MBD3: variants seen among roughly 807,000 people sequenced by gnomAD.
MBD3 encodes the protein methyl-CpG binding domain protein 3, also known as methyl-CpG-binding domain protein 3.
A neutral mutation model predicts 31.2 loss-of-function variants in MBD3; 13 were observed. The ratio of observed to expected loss-of-function variants is 0.42; its 90% CI spans 0.27 to 0.66. The LOEUF is 0.66. Ranked by LOEUF, MBD3 falls within the 30% of genes least tolerant of loss-of-function variation. The probability of loss-of-function intolerance (pLI) is 0.26; values close to 1 mark genes in which losing one functional copy is unlikely to be tolerated. For synonymous variants in MBD3, 223 were observed against 187.4 expected, an observed-to-expected ratio of 1.19 and a Z score of -1.55; for missense variants, 440 against 426.5, an observed-to-expected ratio of 1.03 and a Z score of -0.28.
In MBD3 at chr19:1,585,452, C is replaced by T. The variant is rs1374117742; in HGVS notation, c.111-238G>A. 1 of 537,088 alleles carries T rather than the reference C, an allele frequency of 1.9e-6. No homozygotes were observed. The highest frequency in any genetic ancestry group is 3.4e-6 in the Non-Finnish European group (1 of 296,856). The allele number at this position is 537,088 out of a possible 1,614,324, so 33.3% of individuals were successfully genotyped here. On this transcript the variant is annotated intron_variant, in intron 1 of 6. Transcript: ENST00000434436. This position sits in a 1 kb window ranked among gnomAD's most constrained non-coding sequence, Gnocchi z 4.1. ...AGCACCCCACAACTGGCCCCTAGATCTGGGCGCCAGCCAGACCCAGAGCAC... is the reference window on the plus strand; with the variant it reads ...AGCACCCCACAACTGGCCCCTAGATTTGGGCGCCAGCCAGACCCAGAGCAC...
intron 1 of MBD3, among the ~76,000 whole-genome samples, chr19:1,587,182 G>T (rs915316935): frequency 4.0e-5 from 6 of 150,926 alleles, no homozygotes; most frequent in Admixed American, 6.6e-5. Flanking sequence ...AGCCAGGATG[G>T]TCGCGACCTC....
Position 1,578,638 on chromosome 19 carries a change from G to A in MBD3, c.678-100C>T, listed in dbSNP as rs905108903. The A allele has an allele frequency of 6.3e-7, 1 of 1,596,374 alleles. No individual in the cohort carries two copies. The highest frequency in any genetic ancestry group is 1.3e-5 in the African/African-American group (1 of 74,828). ...CCTCAGCTGGGAGGGGAGGCCCGAGGGATCCACAGGCACCCCCCCAGGACC... is the reference window on the plus strand; with the variant it reads ...CCTCAGCTGGGAGGGGAGGCCCGAGAGATCCACAGGCACCCCCCCAGGACC... On this transcript the variant is annotated intron_variant, in intron 5 of 6. Transcript: ENST00000434436. This position sits in a 1 kb window ranked among gnomAD's most constrained non-coding sequence, Gnocchi z 6.1.
rs1197785002 is a variant in MBD3 at position 1,576,062 on chromosome 19, G to A, written c.*2102C>T. The stretch of plus-strand genomic sequence containing the variant: ...AGAGCAAGAAACAAAGAGGGACAGA[G>A]AGGGAGACGGCGCAAGAGAGAGACA... On this transcript the variant is annotated 3_prime_UTR_variant, in exon 7 of 7. Coordinates refer to ENST00000434436, the MANE Select transcript of MBD3 (RefSeq NM_001281453.2). The A allele has an allele frequency of 6.6e-6, 1 of 152,538 alleles. No homozygotes were observed. Among genetic ancestry groups the A allele is most frequent in the Non-Finnish European group, 1.5e-5 (1 of 68,330 alleles). The allele number at this position is 152,538 out of a possible 1,614,324, so 9.4% of individuals were successfully genotyped here.
rs1372339259 is a variant in MBD3 at position 1,574,977 on chromosome 19, G to C, written c.*3187C>G. ...CCCTTAGCTGGTGTTGCTGAGACTC[G>C]GGAGCCCTGTGGTCCGTGTGGCTGG... is the stretch of plus-strand genomic sequence containing the variant. On this transcript the variant is annotated 3_prime_UTR_variant, in exon 7 of 7. Coordinates refer to ENST00000434436, the MANE Select transcript of MBD3 (RefSeq NM_001281453.2). 8.9e-6 allele frequency: 3 copies of C among 337,540 alleles called. No homozygotes were observed. Among genetic ancestry groups the C allele is most frequent in the African/African-American group, 2.2e-5 (1 of 45,400 alleles). The allele number at this position is 337,540 out of a possible 1,614,324, so 20.9% of individuals were successfully genotyped here. A position where few individuals can be genotyped will look rare whatever the true frequency, so the allele number is the denominator to read the frequency against.
chr19:1,578,513 C>T lies in MBD3; in HGVS notation c.703G>A (p.Val235Met). 1 of 1,612,468 alleles carries T rather than the reference C, an allele frequency of 6.2e-7. No homozygotes were observed. The highest frequency in any genetic ancestry group is 8.5e-7 in the Non-Finnish European group (1 of 1,179,916). The change falls in exon 6 of 7, where the codon GTG (valine) becomes ATG (methionine). Residue 235 changes from valine to methionine, a missense_variant. By Grantham distance (21) the Val-to-Met change is conservative. Around this residue, in one of 3 missense-constraint regions of MBD3, gnomAD observed 117 missense variants for 95.0 expected, o/e 1.23. Coordinates refer to ENST00000434436, the MANE Select transcript of MBD3 (RefSeq NM_001281453.2). This position sits in a 1 kb window ranked among gnomAD's most constrained non-coding sequence, Gnocchi z 6.1. ...AGCGCCTCCTCCAGCCGCTTCCGCA[C>T]CTGCTGCACCAGCTCTTCCTGCTTC... is the stretch of plus-strand genomic sequence containing the variant. ...IRKQEELVQQ[V>M]RKRLEEALMA...
At position 1,578,445 on chromosome 19, in the gene MBD3, G is replaced by T. The variant is rs755053188; in HGVS notation, c.771C>A (p.Asp257Glu). The T allele has an allele frequency of 6.2e-7, 1 of 1,607,204 alleles. No individual in the cohort carries two copies. Among genetic ancestry groups the T allele is most frequent in the Non-Finnish European group, 8.5e-7 (1 of 1,179,826 alleles). ...MLAHVEELAR[D>E]GEAPLDKACA... ...AGGCCTTGTCCAGCGGCGCCTCCCC[G>T]TCACGGGCCAGCTCCTCCACGTGCG... is the stretch of plus-strand genomic sequence containing the variant. The change falls in exon 6 of 7, where the codon GAC (aspartate) becomes GAA (glutamate). Residue 257 changes from aspartate (D) to glutamate (E), a missense_variant. Physicochemically the swap from Asp to Glu is conservative, Grantham distance 45. This residue lies in a region of MBD3 where 117 missense variants were observed against 95.0 expected (regional missense o/e 1.23). Coordinates refer to ENST00000434436, the MANE Select transcript of MBD3 (RefSeq NM_001281453.2). The surrounding 1 kb of genome is among the most constrained non-coding windows in gnomAD (Gnocchi z 6.1).
Position 1,585,573 on chromosome 19 carries a change from C to T in MBD3, c.111-359G>A, listed in dbSNP as rs2060675523. ...CCGGTCCCCTCTGAATCCTCCCCAC[C>T]GTAGGCCCTGGCAGCGTCAGGCACA... On this transcript the variant is annotated intron_variant, in intron 1 of 6. Transcript: ENST00000434436. This position sits in a 1 kb window ranked among gnomAD's most constrained non-coding sequence, Gnocchi z 4.1. The T allele has an allele frequency of 9.7e-6, 3 of 308,350 alleles. No homozygotes were observed. Among genetic ancestry groups the T allele is most frequent in the Non-Finnish European group, 1.9e-5 (3 of 160,816 alleles). 19.1% of individuals were successfully genotyped at this position (308,350 alleles called of 1,614,324 possible). A position where few individuals can be genotyped will look rare whatever the true frequency, so the allele number is the denominator to read the frequency against.
Position 1,581,154 on chromosome 19 carries a change from G to A in MBD3, c.615C>T (p.Gly205=), listed in dbSNP as rs747622082. The A allele has an allele frequency of 1.5e-5, 24 of 1,614,034 alleles. No homozygotes were observed. The highest frequency in any genetic ancestry group is 3.3e-5 in the South Asian group (3 of 91,086). The change falls in exon 5 of 7, where the codon GGC becomes GGT. Residue 205 remains glycine, a synonymous_variant. Coordinates refer to ENST00000434436, the MANE Select transcript of MBD3 (RefSeq NM_001281453.2). ...QLSAAVEKNP[G]VWLNTTQPLC... ...GGGGCTGCGTGGTGTTGAGCCATAC[G>A]CCGGGGTTCTTCTCCACGGCGGCCG...
rs947797898 is a variant in MBD3, at chr19:1,592,763, C to T, written c.-132G>A. On this transcript the variant is annotated 5_prime_UTR_variant, in exon 1 of 7. Coordinates refer to ENST00000434436, the MANE Select transcript of MBD3 (RefSeq NM_001281453.2). The stretch of plus-strand genomic sequence containing the variant: ...GCCGCGGCTGTTCCGGCCCGCGGGC[C>T]CCCGCCCTCCGCCCCCAGCCGGGCG... 3.5e-5 allele frequency: 6 copies of T among 169,282 alleles called. No individual in the cohort carries two copies. The highest frequency in any genetic ancestry group is 1.2e-4 in the African/African-American group (5 of 41,222). 10.5% of individuals were successfully genotyped at this position (169,282 alleles called of 1,614,324 possible). A position where few individuals can be genotyped will look rare whatever the true frequency, so the allele number is the denominator to read the frequency against.
chr19:1,589,443 A>C (rs1368087892), intron 1 of MBD3, among the ~76,000 whole-genome samples: 1 of 151,730 alleles, frequency 6.6e-6, no homozygotes, highest in Non-Finnish European at 1.5e-5. Flanking sequence ...ACCTGAGGTC[A>C]GGAGTTCAAG....
chr19:1,592,671 C>T lies in MBD3; in HGVS notation c.-40G>A, dbSNP rs1233916840. On this transcript the variant is annotated 5_prime_UTR_variant, in exon 1 of 7. Transcript: ENST00000434436. ...CGGCCCGCCGCCGGGCCCGCCGCCG[C>T]CGCCCGGACCCCCACTCGCCGCCGC... is the stretch of plus-strand genomic sequence containing the variant. 8 of 870,652 alleles carry T rather than the reference C, an allele frequency of 9.2e-6. No individual in the cohort carries two copies. The African/African-American group carries it at 1.3e-4, about 14-fold the overall frequency. 53.9% of individuals were successfully genotyped at this position (870,652 alleles called of 1,614,324 possible). A position where few individuals can be genotyped will look rare whatever the true frequency, so the allele number is the denominator to read the frequency against.
chr19:1,575,083 G>A lies in MBD3; in HGVS notation c.*3081C>T. ...GTACCCTCTGTGGCGGCAGCGGTGG[G>A]GAGCTTGGTCTGAGGGGAGGCGGGG... On this transcript the variant is annotated 3_prime_UTR_variant, in exon 7 of 7. Transcript: ENST00000434436. 1 of 379,120 alleles carries A rather than the reference G, an allele frequency of 2.6e-6. No homozygotes were observed. Among genetic ancestry groups the A allele is most frequent in the South Asian group, 1.9e-5 (1 of 53,382 alleles). 23.5% of individuals were successfully genotyped at this position (379,120 alleles called of 1,614,324 possible).
In MBD3 at chr19:1,592,579, T is replaced by A; in HGVS notation, c.53A>T (p.Glu18Val). Residue 18 changes from glutamate to valine, a missense_variant, in exon 1 of 7, where the codon GAA becomes GTA. Transcript: ENST00000434436. ...CPALPQGWER[E>V]EVPRRSGLSA... ...CAGCCCCGACCTTCTGGGCACTTCTTCCCTCTCCCAGCCCTGCGGGAGCGC... is the reference window on the plus strand; with the variant it reads ...CAGCCCCGACCTTCTGGGCACTTCTACCCTCTCCCAGCCCTGCGGGAGCGC... The A allele has an allele frequency of 6.9e-7, 1 of 1,440,098 alleles. No individual in the cohort carries two copies. The highest frequency in any genetic ancestry group is 9.3e-7 in the Non-Finnish European group (1 of 1,074,554). The allele number at this position is 1,440,098 out of a possible 1,614,324, so 89.2% of individuals were successfully genotyped here.
In MBD3 at chr19:1,577,028, C is replaced by G. The variant is rs1659307096; in HGVS notation, c.*1136G>C. 6.6e-6 allele frequency: 1 copy of G among 152,116 alleles called. No individual in the cohort carries two copies. Among genetic ancestry groups the G allele is most frequent in the Admixed American group, 6.5e-5 (1 of 15,278 alleles). The allele number at this position is 152,116 out of a possible 1,614,324, so 9.4% of individuals were successfully genotyped here. On this transcript the variant is annotated 3_prime_UTR_variant, in exon 7 of 7. Transcript: ENST00000434436. ...CAGCCACAGGGGCGACTCTGCCCAT[C>G]AGTCCCCCTGGGGCAGCGACCAGAT...
intron 3 of MBD3, among the ~76,000 whole-genome samples, chr19:1,584,176 G>C (rs2060666525): frequency 6.6e-6 from 1 of 151,924 alleles, no homozygotes; most frequent in Non-Finnish European, 1.5e-5. Context: ...TTGGTATCTG[G>C]GGGTTGAGGG....
Position 1,592,807 on chromosome 19 carries a change from C to A in MBD3, c.-176G>T. The stretch of plus-strand genomic sequence containing the variant: ...CCGGGCGCGCGCCGGCTTTGCCGCC[C>A]TTTCGGCCCCCTCCCCGCGCTCGCC... On this transcript the variant is annotated 5_prime_UTR_variant, in exon 1 of 7. In the 5' UTR this introduces an upstream ATG that the reference lacks. Coordinates refer to ENST00000434436, the MANE Select transcript of MBD3 (RefSeq NM_001281453.2). The A allele has an allele frequency of 6.8e-6, 1 of 147,970 alleles. No homozygotes were observed. The highest frequency in any genetic ancestry group is 1.8e-4 in the South Asian group (1 of 5,592). The allele number at this position is 147,970 out of a possible 1,614,324, so 9.2% of individuals were successfully genotyped here. A position where few individuals can be genotyped will look rare whatever the true frequency, so the allele number is the denominator to read the frequency against.
At chr19:1,589,845 AT>A (rs1246788455) in intron 1 of MBD3, among the ~76,000 whole-genome samples, 1 of 151,602 alleles carries the variant, frequency 6.6e-6, no homozygotes, top group Admixed American at 6.6e-5. Context: ...CAATGAATAA[AT>A]GAATGAATGA....
chr19:1,582,842 C>A (rs923554706), intron 3 of MBD3, 130 bp from the exon 4 acceptor site: 104 of 759,836 alleles, frequency 1.4e-4, no homozygotes, highest in Non-Finnish European at 2.2e-4. Flanking sequence ...ATCTCCCCTC[C>A]CACTGCCTTG....
At chr19:1,586,914 G>A (rs553204374) in intron 1 of MBD3, among the ~76,000 whole-genome samples, 2 of 151,202 alleles carry the variant, frequency 1.3e-5, no homozygotes, top group African/African-American at 2.4e-5. Context: ...TGATCTGTCC[G>A]CCTCAGCCTC....
Sources: gnomAD v4.1 joint callset for allele counts (sites outside exome capture counted in the v4.1 genomes callset) on GRCh38, gnomAD v4.1.1 for gene constraint, gnomAD v4.1.1 regional missense constraint, Gnocchi (gnomAD v3.1) non-coding constraint, MANE v1.5 for transcripts, NCBI Gene and HGNC (gene_info 2026-07-23, HGNC 2026-07-21) for gene names.